CTNNA2: variants seen among roughly 807,000 people sequenced by gnomAD.
The protein encoded by CTNNA2 is catenin alpha-2.
In CTNNA2, 42 loss-of-function variants were observed where a neutral mutation model predicts 101.0. The observed-to-expected ratio is 0.42, with a 90% confidence interval of 0.32 to 0.54. The LOEUF is 0.54. Ranked by LOEUF, CTNNA2 falls within the 20% of genes least tolerant of loss-of-function variation. CTNNA2 has a pLI of 0.14. For missense variants in CTNNA2, 871 were observed against 1,223.1 expected (o/e 0.71, Z 4.29); for synonymous variants, 450 against 456.4 (o/e 0.99, Z 0.18).
chr2:79,974,887 A>C lies in CTNNA2; in HGVS notation c.1056+65090A>C, dbSNP rs371350313. Among the ~76,000 whole-genome samples, 24 of 152,268 alleles carry C rather than the reference A, an allele frequency of 1.6e-4. No individual in the cohort carries two copies. The East Asian group carries it at 3.7e-3, about 23-fold the overall frequency. ...GGGTAAAGACTGAGCTTGAGGTCTT[A>C]GATTAGGTAGCTCTGAAAGGTGTCA... On this transcript the variant is annotated intron_variant, in intron 7 of 18. Coordinates refer to ENST00000402739, the MANE Select transcript of CTNNA2 (RefSeq NM_001282597.3).
intron 2 of CTNNA2, among the ~76,000 whole-genome samples, chr2:79,264,441 A>G (rs1004794719): frequency 3.3e-5 from 5 of 152,208 alleles, no homozygotes; most frequent in African/African-American, 1.2e-4. Context: ...GTTAATTTTA[A>G]TAAATGATTG....
chr2:79,621,801 A>T (rs187609136), intron 1 of CTNNA2, among the ~76,000 whole-genome samples: 6 of 152,304 alleles, frequency 3.9e-5, no homozygotes, highest in Admixed American at 3.9e-4. Context: ...AGTAGTGATG[A>T]ACCATGTGGA....
At chr2:80,285,667 C>T (rs1178964860) in intron 7 of CTNNA2, among the ~76,000 whole-genome samples, 1 of 152,130 alleles carries the variant, frequency 6.6e-6, no homozygotes, top group Non-Finnish European at 1.5e-5. Context: ...AGCCAGGACT[C>T]CCAGTGGGAA....
chr2:79,769,453 C>T (rs1673417599), intron 3 of CTNNA2, among the ~76,000 whole-genome samples: 1 of 152,160 alleles, frequency 6.6e-6, no homozygotes, highest in Non-Finnish European at 1.5e-5. Flanking sequence ...ATATTTTCAT[C>T]TTGTTTTAAC....
rs1241467930 is a variant in CTNNA2, at chr2:79,882,686, C to A, written c.852+8344C>A. On this transcript the variant is annotated intron_variant, in intron 6 of 18. Transcript: ENST00000402739. ...TGGCTGCTGCCCCTCCGCCAAGGAG[C>A]ATAAATGGCTTAGACAGCAGGCAGC... Among the ~76,000 whole-genome samples, 3 of 152,212 alleles carry A rather than the reference C, an allele frequency of 2.0e-5. No homozygotes were observed. The East Asian group carries it at 5.8e-4, about 29-fold the overall frequency.
chr2:80,258,536 G>A (rs1019259201), intron 7 of CTNNA2, among the ~76,000 whole-genome samples: 6 of 152,118 alleles, frequency 3.9e-5, no homozygotes, highest in Admixed American at 2.6e-4. Flanking sequence ...TTGCACTGGA[G>A]TCGAGACATA....
intron 7 of CTNNA2, among the ~76,000 whole-genome samples, chr2:80,390,937 C>G (rs1017618621): frequency 1.3e-5 from 2 of 151,904 alleles, no homozygotes; most frequent in Non-Finnish European, 2.9e-5. Flanking sequence ...TGAGACCAGC[C>G]TGGCCAATAT....
chr2:79,888,605 A>G (rs1044113912), intron 6 of CTNNA2, among the ~76,000 whole-genome samples: 13 of 152,136 alleles, frequency 8.5e-5, no homozygotes, highest in South Asian at 2.1e-4. Flanking sequence ...ACTTTTTTTT[A>G]TAATTGCAAT....
intron 7 of CTNNA2, among the ~76,000 whole-genome samples, chr2:79,961,057 A>G (rs1689592318): frequency 6.6e-6 from 1 of 152,190 alleles, no homozygotes; most frequent in Non-Finnish European, 1.5e-5. Context: ...AAAATTGTGG[A>G]TGGATATAAG....
At chr2:80,647,531 G>A (rs1368037534) in intron 18 of CTNNA2, 54 bp from the exon 19 acceptor site, 4 of 1,390,792 alleles carry the variant, frequency 2.9e-6, no homozygotes, top group Non-Finnish European at 3.9e-6. Context: ...TCACCATTTT[G>A]TGAATTTGGG....
chr2:79,204,357 A>G (rs115913279), intron 2 of CTNNA2, among the ~76,000 whole-genome samples: 262 of 152,166 alleles, frequency 1.7e-3, no homozygotes, highest in African/African-American at 5.7e-3. Flanking sequence ...CTCTTTGCAG[A>G]TATTTATTTT....
At chr2:80,465,039 C>T (rs924804437) in intron 9 of CTNNA2, among the ~76,000 whole-genome samples, 4 of 152,154 alleles carry the variant, frequency 2.6e-5, no homozygotes, top group African/African-American at 9.7e-5. Context: ...TATGCGTCTT[C>T]ATTCACCCTG....
chr2:79,882,730 C>T (rs1260132631), intron 6 of CTNNA2, among the ~76,000 whole-genome samples: 2 of 152,246 alleles, frequency 1.3e-5, no homozygotes, highest in Non-Finnish European at 2.9e-5. Flanking sequence ...TGGTGCTGGT[C>T]ACTACTCCCC....
chr2:79,331,581 C>T (rs1676873377), intron 3 of CTNNA2, among the ~76,000 whole-genome samples: 1 of 152,196 alleles, frequency 6.6e-6, no homozygotes, highest in African/African-American at 2.4e-5. Context: ...GGACCCAGAT[C>T]CTCACAGTGG....
chr2:80,377,904 C>T lies in CTNNA2; in HGVS notation c.1057-15307C>T, dbSNP rs541761411. ...TCATCTGTGGCCAGAGGAAACTTGGCCTTAACATTCTTTGACTCCCAAGTC... is the reference window on the plus strand; with the variant it reads ...TCATCTGTGGCCAGAGGAAACTTGGTCTTAACATTCTTTGACTCCCAAGTC... On this transcript the variant is annotated intron_variant, in intron 7 of 18. Coordinates refer to ENST00000402739, the MANE Select transcript of CTNNA2 (RefSeq NM_001282597.3). Among the ~76,000 whole-genome samples, 10 of 152,262 alleles carry T rather than the reference C, an allele frequency of 6.6e-5. No individual in the cohort carries two copies. In the South Asian group the frequency reaches 1.9e-3, roughly 28 times the overall value.
chr2:79,557,502 C>A (rs1490531496), intron 1 of CTNNA2, among the ~76,000 whole-genome samples: 2 of 151,782 alleles, frequency 1.3e-5, no homozygotes, highest in African/African-American at 4.8e-5. Context: ...TATAATTTGC[C>A]TACTTAGTTT....
At chr2:80,051,970 T>C (rs1002333951) in intron 7 of CTNNA2, among the ~76,000 whole-genome samples, 2 of 152,204 alleles carry the variant, frequency 1.3e-5, no homozygotes, top group Non-Finnish European at 2.9e-5. Flanking sequence ...AACAAAACTG[T>C]GTTCAACTAA....
At chr2:79,505,383 A>G (rs922553257) in intron 5 of CTNNA2, among the ~76,000 whole-genome samples, 3 of 152,120 alleles carry the variant, frequency 2.0e-5, no homozygotes, top group African/African-American at 7.2e-5. Flanking sequence ...TTGGACTGAT[A>G]CAGTCATAAA....
chr2:79,870,675 T>C (rs1275631300), intron 5 of CTNNA2, among the ~76,000 whole-genome samples: 1 of 152,088 alleles, frequency 6.6e-6, no homozygotes, highest in Non-Finnish European at 1.5e-5. Flanking sequence ...TGGGGAGGCC[T>C]CAGGAAACTT....
Sources: gnomAD v4.1 joint callset for allele counts (sites outside exome capture counted in the v4.1 genomes callset) on GRCh38, gnomAD v4.1.1 for gene constraint, MANE v1.5 for transcripts, NCBI Gene and HGNC (gene_info 2026-07-23, HGNC 2026-07-21) for gene names.